Variants in TP63 observed in about 807,000 individuals in gnomAD.
TP63 encodes the protein tumor protein p63, also known as tumor protein 63.
Under a neutral mutation model 82.8 loss-of-function variants are expected in TP63, and 17 were observed. That is an observed-to-expected ratio of 0.21 (90% CI 0.14 to 0.31). The LOEUF (loss-of-function observed/expected upper bound fraction) is 0.31. Among genes scored for constraint, TP63 ranks in the 10% least tolerant of loss-of-function variants. TP63 has a pLI of 1.00. For missense variants in TP63, 648 were observed against 895.3 expected, an observed-to-expected ratio of 0.72 and a Z score of 3.52; for synonymous variants, 330 against 321.7, an observed-to-expected ratio of 1.03 and a Z score of -0.28.
At chr3:189,703,307 G>T (rs567644725) in intron 1 of TP63, among the ~76,000 whole-genome samples, 1 of 152,150 alleles carries the variant, frequency 6.6e-6, no homozygotes, top group African/African-American at 2.4e-5. Context: ...GGGGGCATGC[G>T]CCTGTAGTCC....
At chr3:189,724,009 A>ATTTTTTTTTTTTTTTT in intron 1 of TP63, among the ~76,000 whole-genome samples, 1 of 116,556 alleles carries the variant, frequency 8.6e-6, no homozygotes, top group Admixed American at 9.0e-5. Flanking sequence ...CCTGGCTTTC[A>ATTTTTTTTTTTTTTTT]TTTTTTTTTT....
At chr3:189,767,852 G>A (rs918271680) in intron 3 of TP63, among the ~76,000 whole-genome samples, 6 of 152,132 alleles carry the variant, frequency 3.9e-5, no homozygotes, top group African/African-American at 1.4e-4. Context: ...ACCCTGGATT[G>A]TAGTCATGAA....
At chr3:189,882,162 G>A (rs1196989377) in intron 10 of TP63, among the ~76,000 whole-genome samples, 1 of 152,056 alleles carries the variant, frequency 6.6e-6, no homozygotes, top group Non-Finnish European at 1.5e-5. Context: ...GATTCACAAA[G>A]CCCTTAAAGG....
At chr3:189,866,399 A>C (rs2108801189) in intron 5 of TP63, among the ~76,000 whole-genome samples, 1 of 152,338 alleles carries the variant, frequency 6.6e-6, no homozygotes, top group East Asian at 1.9e-4. Context: ...ATGTAGTTAT[A>C]GAGTTCCATA....
intron 1 of TP63, among the ~76,000 whole-genome samples, chr3:189,718,984 C>T (rs962903750): frequency 6.6e-6 from 1 of 152,084 alleles, no homozygotes; most frequent in South Asian, 2.1e-4. Flanking sequence ...ATGAATGTCT[C>T]TAGCTCTTTG....
intron 1 of TP63, among the ~76,000 whole-genome samples, chr3:189,709,648 A>T (rs6444391): frequency 0.26 from 39,260 of 151,966 alleles, 5,634 homozygotes; most frequent in African/African-American, 0.37. Context: ...CCGTCTCAAA[A>T]AATAATAATA....
At chr3:189,732,628 CTGAGGG>C (rs1339066576) in intron 1 of TP63, among the ~76,000 whole-genome samples, 1 of 152,204 alleles carries the variant, frequency 6.6e-6, no homozygotes. Flanking sequence ...CAACCACCTT[CTGAGGG>C]AAGCATAGTT....
chr3:189,830,169 A>G (rs1712097050), intron 4 of TP63, among the ~76,000 whole-genome samples: 2 of 152,160 alleles, frequency 1.3e-5, no homozygotes, highest in Admixed American at 6.5e-5. Flanking sequence ...TGGAGTTCAG[A>G]TTTGAGATCT....
chr3:189,777,849 T>C (rs1185916641), intron 3 of TP63, among the ~76,000 whole-genome samples: 5 of 116,342 alleles, frequency 4.3e-5, no homozygotes, highest in Non-Finnish European at 9.0e-5. Flanking sequence ...CTTCTTCTTT[T>C]TTTTTTTTTT....
chr3:189,847,744 C>G (rs141094627), intron 4 of TP63, among the ~76,000 whole-genome samples: 1 of 152,260 alleles, frequency 6.6e-6, no homozygotes, highest in Admixed American at 6.5e-5. Context: ...AATGAGTGGG[C>G]ATTTTGTGTT....
chr3:189,749,151 CAAAAA>C (rs111879620), intron 3 of TP63, among the ~76,000 whole-genome samples: 6 of 148,092 alleles, frequency 4.1e-5, no homozygotes, highest in Non-Finnish European at 7.5e-5. Flanking sequence ...AAAGAACAGA[CAAAAA>C]AAAATAGACA....
intron 3 of TP63, among the ~76,000 whole-genome samples, chr3:189,770,924 T>C (rs2108556183): frequency 6.6e-6 from 1 of 152,230 alleles, no homozygotes; most frequent in South Asian, 2.1e-4. Context: ...CAAACAAATA[T>C]CTTATGTTTG....
intron 1 of TP63, among the ~76,000 whole-genome samples, chr3:189,713,606 C>T (rs1718753308): frequency 6.6e-6 from 1 of 151,958 alleles, no homozygotes; most frequent in Non-Finnish European, 1.5e-5. Context: ...AGACTGAAGC[C>T]TGCATAAAAT....
rs149774546 is a variant in TP63, at chr3:189,750,039, G to A, written c.324+11265G>A. ...CTCAGGAGGCTGAGGCAGGAGAATCGCTTGAGCCTGGGAGGTGGAGCTTGC... is the reference window on the plus strand; with the variant it reads ...CTCAGGAGGCTGAGGCAGGAGAATCACTTGAGCCTGGGAGGTGGAGCTTGC... On this transcript the variant is annotated intron_variant, in intron 3 of 13. Transcript: ENST00000264731. 2.0e-3 allele frequency among the ~76,000 whole-genome samples: 298 copies of A among 151,062 alleles called. 5 individuals are homozygous for A. The highest frequency in any genetic ancestry group is 3.9e-3 in the East Asian group (20 of 5,094).
At chr3:189,752,373 C>T (rs951083653) in intron 3 of TP63, among the ~76,000 whole-genome samples, 1 of 152,012 alleles carries the variant, frequency 6.6e-6, no homozygotes, top group Non-Finnish European at 1.5e-5. Context: ...GATGGGGTTT[C>T]ACCGTGTTCA....
intron 4 of TP63, among the ~76,000 whole-genome samples, chr3:189,820,051 A>G (rs1396646677): frequency 1.3e-5 from 2 of 152,126 alleles, no homozygotes; most frequent in African/African-American, 4.8e-5. Flanking sequence ...GCCCAGCCCT[A>G]TTTTACTTTT....
intron 10 of TP63, among the ~76,000 whole-genome samples, chr3:189,879,464 A>G (rs950182056): frequency 3.9e-5 from 6 of 152,206 alleles, no homozygotes; most frequent in African/African-American, 1.4e-4. Context: ...CAATCTGGGA[A>G]TATCCAAAAT....
chr3:189,876,336 C>T (rs1024931815), intron 10 of TP63, among the ~76,000 whole-genome samples: 4 of 152,106 alleles, frequency 2.6e-5, no homozygotes, highest in African/African-American at 9.7e-5. Flanking sequence ...TATTGTCTGA[C>T]CGGCTCACAT....
At chr3:189,833,303 C>G (rs1227923516) in intron 4 of TP63, among the ~76,000 whole-genome samples, 1 of 152,192 alleles carries the variant, frequency 6.6e-6, no homozygotes, top group Non-Finnish European at 1.5e-5. Flanking sequence ...GTATCTCAGA[C>G]CAGCATATAA....
Sources: gnomAD v4.1 joint callset for allele counts (sites outside exome capture counted in the v4.1 genomes callset) on GRCh38, gnomAD v4.1.1 for gene constraint, MANE v1.5 for transcripts, NCBI Gene and HGNC (gene_info 2026-07-23, HGNC 2026-07-21) for gene names.